Variants in INTS13 observed in about 807,000 individuals in gnomAD.
INTS13 encodes the protein integrator complex subunit 13, also known as asunder, spermatogenesis regulator homolog (Drosphila).
A neutral mutation model predicts 90.2 loss-of-function variants in INTS13; 35 were observed. The ratio of observed to expected loss-of-function variants is 0.39; its 90% CI spans 0.30 to 0.51. The LOEUF (loss-of-function observed/expected upper bound fraction) is 0.51. Ranked by LOEUF, INTS13 falls within the 20% of genes least tolerant of loss-of-function variation. The pLI is 0.80. For synonymous variants in INTS13, 309 were observed against 277.1 expected (o/e 1.11, Z -1.14); for missense variants, 601 against 851.2 (o/e 0.71, Z 3.66).
At chr12:26,930,780 C>T (rs1938144645) in intron 3 of INTS13, among the ~76,000 whole-genome samples, 1 of 152,098 alleles carries the variant, frequency 6.6e-6, no homozygotes. Flanking sequence ...CAGATATGTA[C>T]TTATTTTTAT....
intron 3 of INTS13, among the ~76,000 whole-genome samples, chr12:26,929,852 G>A (rs1172473722): frequency 6.6e-6 from 1 of 151,240 alleles, no homozygotes; most frequent in Non-Finnish European, 1.5e-5. Context: ...GAGAGAGGAT[G>A]GACAGAATCC....
intron 15 of INTS13, among the ~76,000 whole-genome samples, chr12:26,910,432 T>C (rs1166624686): frequency 6.6e-6 from 1 of 152,222 alleles, no homozygotes; most frequent in Non-Finnish European, 1.5e-5. Context: ...TCTCTAAGGC[T>C]GTGATACGGT....
chr12:26,928,656 AT>A, intron 4 of INTS13, 46 bp downstream of exon 4: 3 of 1,589,480 alleles, frequency 1.9e-6, no homozygotes, highest in Non-Finnish European at 2.6e-6. Context: ...CTACAACAGG[AT>A]TTTAAAATTC....
At chr12:26,922,564 T>C (rs1202768218) in intron 8 of INTS13, 52 bp downstream of exon 8, 2 of 1,380,084 alleles carry the variant, frequency 1.4e-6, no homozygotes, top group Non-Finnish European at 2.0e-6. Flanking sequence ...GCTACTGTAA[T>C]ATGCTTTCAT....
chr12:26,911,559 A>T (rs962229717), intron 14 of INTS13, among the ~76,000 whole-genome samples: 8 of 151,822 alleles, frequency 5.3e-5, no homozygotes, highest in Non-Finnish European at 8.8e-5. Context: ...GTAAAATATA[A>T]AAAAAAAGAA....
chr12:26,912,032 G>A (rs1034700664), intron 14 of INTS13, among the ~76,000 whole-genome samples: 3 of 152,192 alleles, frequency 2.0e-5, no homozygotes, highest in Non-Finnish European at 4.4e-5. Context: ...GGTAGTGGAT[G>A]AAGATATATA....
chr12:26,908,435 A>C (rs1951676121), intron 15 of INTS13, among the ~76,000 whole-genome samples: 1 of 152,230 alleles, frequency 6.6e-6, no homozygotes, highest in South Asian at 2.1e-4. Flanking sequence ...ACAATAAAAC[A>C]CATAAAGGAG....
At chr12:26,921,133 T>C (rs984415310) in intron 8 of INTS13, among the ~76,000 whole-genome samples, 2 of 152,172 alleles carry the variant, frequency 1.3e-5, no homozygotes, top group African/African-American at 4.8e-5. Flanking sequence ...CAAACATACA[T>C]CTAGAAACAT....
intron 7 of INTS13, among the ~76,000 whole-genome samples, chr12:26,923,393 G>A (rs780068225): frequency 3.5e-4 from 54 of 152,122 alleles, no homozygotes; most frequent in African/African-American, 1.1e-3. Context: ...GTGAAAAACC[G>A]GCCAATGGCA....
intron 15 of INTS13, 126 bp from the exon 16 acceptor site, chr12:26,906,563 G>T: frequency 9.8e-7 from 1 of 1,016,490 alleles, no homozygotes; most frequent in Non-Finnish European, 1.4e-6. Flanking sequence ...AGTTAATTCT[G>T]TAGTTCATTT....
intron 15 of INTS13, among the ~76,000 whole-genome samples, chr12:26,909,407 T>C (rs1951709456): frequency 6.6e-6 from 1 of 152,034 alleles, no homozygotes. Flanking sequence ...CACACCATTA[T>C]TCAGTCATTT....
chr12:26,921,803 A>G (rs1457382719), intron 8 of INTS13, among the ~76,000 whole-genome samples: 1 of 152,118 alleles, frequency 6.6e-6, no homozygotes, highest in African/African-American at 2.4e-5. Context: ...CTACAGGTAC[A>G]CGCCACCACA....
chr12:26,910,391 T>C (rs1951736342), intron 15 of INTS13, among the ~76,000 whole-genome samples: 1 of 152,226 alleles, frequency 6.6e-6, no homozygotes, highest in Non-Finnish European at 1.5e-5. Flanking sequence ...TTTTTGTTTT[T>C]AACACTGACA....
At chr12:26,937,612 T>A (rs1341038736) in intron 1 of INTS13, 184 bp downstream of exon 1, 2 of 152,222 alleles carry the variant, frequency 1.3e-5, no homozygotes. Flanking sequence ...AAAGCCAAAG[T>A]GTTAAATCAA....
intron 8 of INTS13, among the ~76,000 whole-genome samples, chr12:26,921,951 C>T (rs138954577): frequency 9.2e-5 from 14 of 152,304 alleles, no homozygotes; most frequent in African/African-American, 2.6e-4. Context: ...CCACTACCCC[C>T]GGCCTGCAGC....
Position 26,913,534 on chromosome 12 carries a change from CTT to C in INTS13, c.1726_1727del (p.Lys576GlufsTer16). On this transcript the variant is annotated frameshift_variant, in exon 14 of 17. Transcript: ENST00000261191. LOFTEE classifies it high-confidence loss of function. ...CTGACTTGTCCTCTTTGTCTTCCCT[CTT>C]TCTTCCTCGTTTCTTTCGTTCTTCC... ...EEEERKKRGR[K>X]REDKEDKSEK... 6.2e-7 allele frequency: 1 copy of C among 1,614,134 alleles called. No homozygotes were observed. Among genetic ancestry groups the C allele is most frequent in the Non-Finnish European group, 8.5e-7 (1 of 1,180,034 alleles).
At chr12:26,907,620 T>A (rs61923391) in intron 15 of INTS13, among the ~76,000 whole-genome samples, 5,277 of 152,318 alleles carry the variant, frequency 0.035, 134 homozygotes, top group African/African-American at 0.069. Flanking sequence ...GCTTCTGTTG[T>A]GCAAAAGTCA....
rs1400152344 is a variant in INTS13, at chr12:26,928,277, T to G, written c.512A>C (p.His171Pro). ...ICITNAKSDS[H>P]VRMLEDCVQE... ...GACACAGTCTTCAAGCATTCGCACATGACTATCACTATGGCATAAAAAAGA... is the reference window on the plus strand; with the variant it reads ...GACACAGTCTTCAAGCATTCGCACAGGACTATCACTATGGCATAAAAAAGA... The change falls in exon 5 of 17, where the codon CAT (histidine) becomes CCT (proline). Residue 171 changes from histidine (H) to proline (P), a missense_variant. This residue lies in a region of INTS13 where 284 missense variants were observed against 387.7 expected (regional missense o/e 0.73). Coordinates refer to ENST00000261191, the MANE Select transcript of INTS13 (RefSeq NM_018164.3). 8 of 1,609,130 alleles carry G rather than the reference T, an allele frequency of 5.0e-6. No homozygotes were observed. The highest frequency in any genetic ancestry group is 5.1e-6 in the Non-Finnish European group (6 of 1,176,040).
At position 26,917,714 on chromosome 12, in the gene INTS13, G is replaced by A. The variant is rs767560023; in HGVS notation, c.909C>T (p.Gly303=). Residue 303 remains glycine (G), a synonymous_variant, in exon 9 of 17, where the codon GGC becomes GGT. Transcript: ENST00000261191. ...FLKSGDSHLG[G]GSREGSFKET... ...CTTTAAACGAGCCTTCTCGACTGCC[G>A]CCACCTAGATGCGAATCACCTTTAA... 8.5e-5 allele frequency: 137 copies of A among 1,612,954 alleles called. No individual in the cohort carries two copies. Among genetic ancestry groups the A allele is most frequent in the Middle Eastern group, 3.3e-4 (2 of 6,084 alleles).
Sources: gnomAD v4.1 joint callset for allele counts (sites outside exome capture counted in the v4.1 genomes callset) on GRCh38, gnomAD v4.1.1 for gene constraint, gnomAD v4.1.1 regional missense constraint, MANE v1.5 for transcripts, NCBI Gene and HGNC (gene_info 2026-07-23, HGNC 2026-07-21) for gene names.